Variants in NMNAT2 observed in about 807,000 individuals in gnomAD.
The protein encoded by NMNAT2 is nicotinamide/nicotinic acid mononucleotide adenylyltransferase 2.
A neutral mutation model predicts 41.6 loss-of-function variants in NMNAT2; 11 were observed. The ratio of observed to expected loss-of-function variants is 0.26; its 90% CI spans 0.17 to 0.44. The LOEUF is 0.44. NMNAT2 is among the 20% of genes least tolerant of loss of function. The probability of loss-of-function intolerance (pLI) is 1.00; values close to 1 mark genes in which losing one functional copy is unlikely to be tolerated. For missense variants in NMNAT2, 288 were observed against 407.7 expected, an observed-to-expected ratio of 0.71 and a Z score of 2.53; for synonymous variants, 148 against 151.2, an observed-to-expected ratio of 0.98 and a Z score of 0.16.
intron 7 of NMNAT2, among the ~76,000 whole-genome samples, chr1:183,280,230 C>T (rs1661223124): frequency 6.6e-6 from 1 of 152,164 alleles, no homozygotes; most frequent in Non-Finnish European, 1.5e-5. Context: ...TGGAGCCACC[C>T]AGGGTTCTAG....
At chr1:183,346,646 G>T (rs1316631136) in intron 1 of NMNAT2, among the ~76,000 whole-genome samples, 5 of 152,164 alleles carry the variant, frequency 3.3e-5, no homozygotes, top group African/African-American at 4.8e-5. Context: ...CCTTTACAGG[G>T]AAGTAACTTT....
intron 1 of NMNAT2, among the ~76,000 whole-genome samples, chr1:183,321,709 G>C (rs1662359216): frequency 6.6e-6 from 1 of 151,750 alleles, no homozygotes; most frequent in Non-Finnish European, 1.5e-5. Context: ...ACTTCAGCCT[G>C]GGCAACAGAG....
In NMNAT2 at chr1:183,261,040, G is replaced by A; in HGVS notation, c.783C>T (p.Ile261=). The change falls in exon 10 of 11, where the codon ATC becomes ATT. Residue 261 remains isoleucine, a synonymous_variant. Coordinates refer to ENST00000287713, the MANE Select transcript of NMNAT2 (RefSeq NM_015039.4). ...KNNIMVVKDD[I]NHPMSVVSST... ...AGCTGACAACAGACATGGGATGGTTGATGTCATCCTTCACCACCATGATGT... is the reference window on the plus strand; with the variant it reads ...AGCTGACAACAGACATGGGATGGTTAATGTCATCCTTCACCACCATGATGT... 6.2e-7 allele frequency: 1 copy of A among 1,613,912 alleles called. No individual in the cohort carries two copies. The highest frequency in any genetic ancestry group is 1.1e-5 in the South Asian group (1 of 91,062).
chr1:183,284,588 C>T, intron 6 of NMNAT2, 122 bp downstream of exon 6: 1 of 843,108 alleles, frequency 1.2e-6, no homozygotes, highest in Non-Finnish European at 2.1e-6. Flanking sequence ...CAAGTACGCA[C>T]ACACACACAA....
intron 1 of NMNAT2, among the ~76,000 whole-genome samples, chr1:183,410,969 T>C (rs1361753070): frequency 6.6e-6 from 1 of 152,076 alleles, no homozygotes; most frequent in Non-Finnish European, 1.5e-5. Flanking sequence ...CCTCCCATCT[T>C]GGCCTCCCAA....
At chr1:183,386,968 T>C (rs1055949007) in intron 1 of NMNAT2, among the ~76,000 whole-genome samples, 1 of 152,106 alleles carries the variant, frequency 6.6e-6, no homozygotes, top group African/African-American at 2.4e-5. Flanking sequence ...AAAAAATGTT[T>C]TGATGATTCA....
rs12035340 is a variant in NMNAT2, at chr1:183,296,023, T to G, written c.86-2230A>C. Reference sequence around the variant, plus strand: ...ACCACCATGCCCAGCTAATTTTTTGTATTTTTAGTAGAGATGGGGTTTCAC... The same window carrying G: ...ACCACCATGCCCAGCTAATTTTTTGGATTTTTAGTAGAGATGGGGTTTCAC... On this transcript the variant is annotated intron_variant, in intron 1 of 10. Coordinates refer to ENST00000287713, the MANE Select transcript of NMNAT2 (RefSeq NM_015039.4). Among the ~76,000 whole-genome samples the G allele has an allele frequency of 2.5e-3, 378 of 152,204 alleles. 10 individuals are homozygous for G. In the East Asian group the frequency reaches 0.058, roughly 23 times the overall value.
chr1:183,355,853 G>A (rs186916984), intron 1 of NMNAT2, among the ~76,000 whole-genome samples: 63 of 152,316 alleles, frequency 4.1e-4, no homozygotes, highest in African/African-American at 1.5e-3. Flanking sequence ...GACAATCAGT[G>A]AAAGGTTTTT....
chr1:183,312,128 G>T (rs1330921150), intron 1 of NMNAT2, among the ~76,000 whole-genome samples: 1 of 152,016 alleles, frequency 6.6e-6, no homozygotes, highest in Non-Finnish European at 1.5e-5. Flanking sequence ...GTCTTTACCG[G>T]CAGTGTGAAA....
chr1:183,328,910 T>A (rs905056759), intron 1 of NMNAT2, among the ~76,000 whole-genome samples: 1 of 152,148 alleles, frequency 6.6e-6, no homozygotes, highest in Admixed American at 6.6e-5. Context: ...CAGAGAAACA[T>A]GGAGACAGAG....
chr1:183,265,557 G>A (rs2102285141), intron 8 of NMNAT2, among the ~76,000 whole-genome samples: 1 of 152,182 alleles, frequency 6.6e-6, no homozygotes, highest in Admixed American at 6.5e-5. Flanking sequence ...GAGCCACCAT[G>A]CCCGGCAGAA....
At chr1:183,343,952 G>A (rs983736498) in intron 1 of NMNAT2, among the ~76,000 whole-genome samples, 1 of 151,988 alleles carries the variant, frequency 6.6e-6, no homozygotes, top group Non-Finnish European at 1.5e-5. Flanking sequence ...AAACTGAGTC[G>A]CACTGGGCTA....
At chr1:183,403,886 C>G (rs1648884197) in intron 1 of NMNAT2, among the ~76,000 whole-genome samples, 1 of 152,154 alleles carries the variant, frequency 6.6e-6, no homozygotes. Flanking sequence ...TCAGGCCAGA[C>G]AGAAGCCAAG....
intron 1 of NMNAT2, among the ~76,000 whole-genome samples, chr1:183,294,682 C>T (rs1048940091): frequency 6.6e-6 from 1 of 152,064 alleles, no homozygotes; most frequent in Non-Finnish European, 1.5e-5. Context: ...CCTAGTTACT[C>T]GGGAGACTGA....
intron 8 of NMNAT2, among the ~76,000 whole-genome samples, chr1:183,265,748 G>C (rs548014): frequency 0.97 from 147,401 of 152,264 alleles, 71,537 homozygotes; most frequent in East Asian, 1. Context: ...AGCCTCTTCT[G>C]TTAGGCTGAA....
chr1:183,291,860 G>C (rs963379539), intron 3 of NMNAT2, among the ~76,000 whole-genome samples: 1 of 152,106 alleles, frequency 6.6e-6, no homozygotes, highest in Admixed American at 6.5e-5. Context: ...TTATCTTTAG[G>C]GGGATAAGAA....
chr1:183,391,901 T>C (rs1648493950), intron 1 of NMNAT2, among the ~76,000 whole-genome samples: 1 of 152,152 alleles, frequency 6.6e-6, no homozygotes, highest in African/African-American at 2.4e-5. Context: ...CCCTGGCTGC[T>C]CTTTCACTGT....
At chr1:183,415,208 C>G (rs1411911625) in intron 1 of NMNAT2, among the ~76,000 whole-genome samples, 1 of 152,160 alleles carries the variant, frequency 6.6e-6, no homozygotes, top group Admixed American at 6.5e-5. Context: ...TCTCAAACTC[C>G]TGAGCTCATG....
At chr1:183,345,841 C>T (rs1662917091) in intron 1 of NMNAT2, among the ~76,000 whole-genome samples, 2 of 152,100 alleles carry the variant, frequency 1.3e-5, no homozygotes, top group Admixed American at 1.3e-4. Context: ...CACCCGCCAC[C>T]ATGCCCGGCT....
Sources: allele counts gnomAD v4.1 joint callset (sites outside exome capture counted in the v4.1 genomes callset), GRCh38; gene constraint gnomAD v4.1.1; transcripts MANE v1.5; gene names NCBI Gene and HGNC (gene_info 2026-07-23, HGNC 2026-07-21).